Variants in LRRC34 observed in about 807,000 individuals in gnomAD.
The protein encoded by LRRC34 is leucine rich repeat containing 34.
Under a neutral mutation model 48.5 loss-of-function variants are expected in LRRC34, and 44 were observed. The observed-to-expected ratio is 0.91, with a 90% CI of 0.71 to 1.17. The LOEUF (loss-of-function observed/expected upper bound fraction) is 1.17, where lower values mean the gene tolerates loss of function less well. Among genes scored for constraint, LRRC34 ranks in the 50% most tolerant of loss-of-function variants. LRRC34 has a pLI of 0.00. For synonymous variants in LRRC34, 192 were observed against 197.6 expected, an observed-to-expected ratio of 0.97 and a Z score of 0.24; for missense variants, 502 against 563.0, an observed-to-expected ratio of 0.89 and a Z score of 1.10.
rs1778990443 is a variant in LRRC34, at chr3:169,796,385, T to G, written c.909-16A>C. 2 of 1,589,362 alleles carry G rather than the reference T, an allele frequency of 1.3e-6. No individual in the cohort carries two copies. Among genetic ancestry groups the G allele is most frequent in the Non-Finnish European group, 1.7e-6 (2 of 1,173,184 alleles). Reference sequence around the variant, plus strand: ...TATTTTGTTGCTGGCAAAGGAAAAATAGTTATATTTGAAAATATGAAATAG... The same window carrying G: ...TATTTTGTTGCTGGCAAAGGAAAAAGAGTTATATTTGAAAATATGAAATAG... On this transcript the variant is annotated splice_polypyrimidine_tract_variant and intron_variant, in intron 8 of 10. Coordinates refer to ENST00000446859, the MANE Select transcript of LRRC34 (RefSeq NM_001172779.2).
In LRRC34 at chr3:169,804,163, A is replaced by G; in HGVS notation, c.547T>C (p.Tyr183His). ...KVLHKNRTLK[Y>H]LRMTGNKIEN... ...ATTTTGTTTCCAGTCATTCTTAGGT[A>G]TTTCAGAGTCCGATTCTTCTGAAAA... Residue 183 changes from tyrosine (Y) to histidine (H), a missense_variant, in exon 6 of 11, where the codon TAC becomes CAC. By Grantham distance (83) the Tyr-to-His change is moderately conservative (BLOSUM62 2). Coordinates refer to ENST00000446859, the MANE Select transcript of LRRC34 (RefSeq NM_001172779.2). 1 of 1,592,856 alleles carries G rather than the reference A, an allele frequency of 6.3e-7. No homozygotes were observed. Among genetic ancestry groups the G allele is most frequent in the South Asian group, 1.2e-5 (1 of 86,764 alleles).
rs1779650465 is a variant in LRRC34, at chr3:169,812,787, G to A, written c.-239C>T. The A allele has an allele frequency of 5.8e-6, 3 of 515,848 alleles. No homozygotes were observed. Among genetic ancestry groups the A allele is most frequent in the African/African-American group, 2.0e-5 (1 of 49,294 alleles). The allele number at this position is 515,848 out of a possible 1,614,324, so 32.0% of individuals were successfully genotyped here. A position where few individuals can be genotyped will look rare whatever the true frequency, so the allele number is the denominator to read the frequency against. On this transcript the variant is annotated 5_prime_UTR_variant, in exon 1 of 11. Transcript: ENST00000446859. The surrounding 1 kb of genome is among the most constrained non-coding windows in gnomAD (Gnocchi z 4.3). ...GAGTTCCCGAGGTTTGAGGGGCTCCGCTGCTGAGCTAGGGCTGGGGCTACA... is the reference window on the plus strand; with the variant it reads ...GAGTTCCCGAGGTTTGAGGGGCTCCACTGCTGAGCTAGGGCTGGGGCTACA...
intron 4 of LRRC34, 103 bp from the exon 5 acceptor site, chr3:169,807,034 T>C (rs2108243841): frequency 1.8e-6 from 1 of 558,236 alleles, no homozygotes; most frequent in African/African-American, 2.0e-5. Context: ...TTTATTTGAA[T>C]AAGTGTTTTC....
At position 169,796,857 on chromosome 3, in the gene LRRC34, G is replaced by C. The variant is rs1779008552; in HGVS notation, c.796C>G (p.His266Asp). The C allele has an allele frequency of 6.2e-7, 1 of 1,606,932 alleles. No individual in the cohort carries two copies. Among genetic ancestry groups the C allele is most frequent in the Admixed American group, 1.7e-5 (1 of 58,628 alleles). ...CACATGTGTAGTGCAACAAGACAGT[G>C]ATTTTCTTTCAACATGCGGCCTACA... ...VHVGRMLKENHCLVALHMCKH... is the reference protein window; with the variant it reads ...VHVGRMLKENDCLVALHMCKH... The change falls in exon 8 of 11, where the codon CAC becomes GAC. Residue 266 changes from histidine to aspartate, a missense_variant. By Grantham distance (81) the His-to-Asp change is moderately conservative. Coordinates refer to ENST00000446859, the MANE Select transcript of LRRC34 (RefSeq NM_001172779.2).
chr3:169,801,872 G>C (rs183491226), intron 6 of LRRC34, among the ~76,000 whole-genome samples: 61 of 152,214 alleles, frequency 4.0e-4, no homozygotes, highest in African/African-American at 1.3e-3. Flanking sequence ...GAGTGCAGTG[G>C]CACACTCGGC....
chr3:169,795,751 C>T, intron 9 of LRRC34, 140 bp from the exon 10 acceptor site: 1 of 1,347,368 alleles, frequency 7.4e-7, no homozygotes, highest in Non-Finnish European at 9.5e-7. Context: ...TTCCTAAAAT[C>T]CAAGAAACTT....
intron 6 of LRRC34, among the ~76,000 whole-genome samples, chr3:169,802,250 T>C (rs974587721): frequency 6.6e-6 from 1 of 152,162 alleles, no homozygotes; most frequent in African/African-American, 2.4e-5. Context: ...AAAATAAATA[T>C]ATGAGTATGA....
intron 1 of LRRC34, among the ~76,000 whole-genome samples, chr3:169,809,669 A>G (rs1779496252): frequency 6.6e-6 from 1 of 152,012 alleles, no homozygotes; most frequent in South Asian, 2.1e-4. Context: ...CTATACATCT[A>G]CCTTTTGTGG....
intron 1 of LRRC34, 99 bp from the exon 2 acceptor site, chr3:169,808,844 T>TTA: frequency 1.5e-6 from 1 of 665,596 alleles, no homozygotes; most frequent in South Asian, 1.8e-5. Flanking sequence ...GTTGTATGTG[T>TTA]GTATAGTGGG....
intron 1 of LRRC34, among the ~76,000 whole-genome samples, chr3:169,811,298 T>C (rs1283902443): frequency 6.6e-6 from 1 of 152,204 alleles, no homozygotes; most frequent in African/African-American, 2.4e-5. Flanking sequence ...CGCGAAGGCA[T>C]GAAGGAATCT....
chr3:169,800,427 A>C (rs115277375), intron 7 of LRRC34, among the ~76,000 whole-genome samples: 178 of 152,366 alleles, frequency 1.2e-3, no homozygotes, highest in Middle Eastern at 3.4e-3. Context: ...AAGAGAAAAG[A>C]TGACATGTTT....
rs115486395 is a variant in LRRC34, at chr3:169,795,778, C to G, written c.1065-167G>C. The G allele has an allele frequency of 1.6e-3, 2,134 of 1,326,860 alleles. 30 individuals carry two copies. In the African/African-American group the frequency reaches 0.027, roughly 17 times the overall value. The allele number at this position is 1,326,860 out of a possible 1,614,324, so 82.2% of individuals were successfully genotyped here. ...AAGAAACTTAGTTTTCTAATTAGAT[C>G]CTTAAGGTACTTAGTAGAGCTAACT... On this transcript the variant is annotated intron_variant, in intron 9 of 10. Coordinates refer to ENST00000446859, the MANE Select transcript of LRRC34 (RefSeq NM_001172779.2).
At chr3:169,803,819 A>G (rs1273908383) in intron 6 of LRRC34, among the ~76,000 whole-genome samples, 1 of 152,264 alleles carries the variant, frequency 6.6e-6, no homozygotes, top group East Asian at 1.9e-4. Flanking sequence ...AATTCCATAC[A>G]GTTTAAGATG....
intron 6 of LRRC34, among the ~76,000 whole-genome samples, chr3:169,802,182 G>C (rs138730223): frequency 7.2e-5 from 11 of 152,168 alleles, no homozygotes; most frequent in Non-Finnish European, 1.6e-4. Context: ...ATAAAACTTT[G>C]TATCACTGCT....
rs766041615 is a variant in LRRC34, at chr3:169,796,330, A to C, written c.948T>G (p.Asp316Glu). The C allele has an allele frequency of 3.1e-6, 5 of 1,610,092 alleles. No individual in the cohort carries two copies. In the South Asian group the frequency reaches 4.4e-5, roughly 14 times the overall value. Residue 316 changes from aspartate to glutamate, a missense_variant, in exon 9 of 11, where the codon GAT (aspartate) becomes GAG (glutamate). By Grantham distance (45) the Asp-to-Glu change is conservative. Coordinates refer to ENST00000446859, the MANE Select transcript of LRRC34 (RefSeq NM_001172779.2). The stretch of plus-strand genomic sequence containing the variant: ...CCAGGGTAGTGTTGCTTTTCAGTAC[A>C]TCAGCCAAATACACCATTCCATCAT... ...ITHDGMVYLADVLKSNTTLEV... is the reference protein window; with the variant it reads ...ITHDGMVYLAEVLKSNTTLEV...
chr3:169,793,966 A>G, intron 10 of LRRC34, 128 bp from the exon 11 acceptor site: 1 of 586,816 alleles, frequency 1.7e-6, no homozygotes, highest in Middle Eastern at 4.6e-4. Context: ...TCTGAATAAC[A>G]TTGCTGAATT....
At position 169,812,385 on chromosome 3, in the gene LRRC34, C is replaced by T. The variant is rs780807126; in HGVS notation, c.139+25G>A. ...CGCGCGTTTTGTCTGGGCCAGGCCGCGCAGACGTGCTCCCTACTTCTTACC... is the reference window on the plus strand; with the variant it reads ...CGCGCGTTTTGTCTGGGCCAGGCCGTGCAGACGTGCTCCCTACTTCTTACC... On this transcript the variant is annotated intron_variant, in intron 1 of 10. Coordinates refer to ENST00000446859, the MANE Select transcript of LRRC34 (RefSeq NM_001172779.2). This position sits in a 1 kb window ranked among gnomAD's most constrained non-coding sequence, Gnocchi z 4.3. The T allele has an allele frequency of 1.3e-6, 2 of 1,522,148 alleles. No homozygotes were observed. The highest frequency in any genetic ancestry group is 2.6e-5 in the East Asian group (1 of 39,162). The allele number at this position is 1,522,148 out of a possible 1,614,324, so 94.3% of individuals were successfully genotyped here. A position where few individuals can be genotyped will look rare whatever the true frequency, so the allele number is the denominator to read the frequency against.
chr3:169,812,466 G>C lies in LRRC34; in HGVS notation c.83C>G (p.Pro28Arg). The C allele has an allele frequency of 1.3e-6, 2 of 1,530,452 alleles. No individual in the cohort carries two copies. Among genetic ancestry groups the C allele is most frequent in the South Asian group, 1.2e-5 (1 of 83,632 alleles). 94.8% of individuals were successfully genotyped at this position (1,530,452 alleles called of 1,614,324 possible). The change falls in exon 1 of 11, where the codon CCG (proline) becomes CGG (arginine). Residue 28 changes from proline to arginine, a missense_variant. By Grantham distance (103) the Pro-to-Arg change is moderately radical. Coordinates refer to ENST00000446859, the MANE Select transcript of LRRC34 (RefSeq NM_001172779.2). This position sits in a 1 kb window ranked among gnomAD's most constrained non-coding sequence, Gnocchi z 4.3. ...ACTGGCCTGAGTGGAGGCCCAAGCC[G>C]GGGACCTGGCCGGCGCACGGGCGGC... ...REAARAPARS[P>R]AWASTQASTP...
rs1216539650 is a variant in LRRC34 at position 169,796,282 on chromosome 3, G to A, written c.996C>T (p.Asn332=). The A allele has an allele frequency of 1.9e-6, 3 of 1,612,380 alleles. No individual in the cohort carries two copies. Among genetic ancestry groups the A allele is most frequent in the African/African-American group, 2.7e-5 (2 of 74,710 alleles). ...TTLEVIDLSF[N]RIENAGANYL... ...AGTTTGCGCCTGCATTTTCTATTCT[G>A]TTAAAGGAAAGATCTATTACTTCCA... The change falls in exon 9 of 11, where the codon AAC becomes AAT. Residue 332 remains asparagine, a synonymous_variant. Coordinates refer to ENST00000446859, the MANE Select transcript of LRRC34 (RefSeq NM_001172779.2).
Sources: allele counts gnomAD v4.1 joint callset (sites outside exome capture counted in the v4.1 genomes callset), GRCh38; gene constraint gnomAD v4.1.1; non-coding constraint Gnocchi (gnomAD v3.1); transcripts MANE v1.5; gene names NCBI Gene and HGNC (gene_info 2026-07-23, HGNC 2026-07-21).